The following CHD6 variants were observed in gnomAD, a reference collection of about 807,000 sequenced individuals.
The protein encoded by CHD6 is ATP-dependent chromatin remodeler CHD6.
A neutral mutation model predicts 276.9 loss-of-function variants in CHD6; 50 were observed. The ratio of observed to expected loss-of-function variants is 0.18; its 90% CI spans 0.14 to 0.23. The LOEUF (loss-of-function observed/expected upper bound fraction) is 0.23. Ranked by LOEUF, CHD6 falls within the 10% of genes least tolerant of loss-of-function variation. The pLI, the probability that CHD6 is intolerant of heterozygous loss-of-function variation, is 1.00. For synonymous variants in CHD6, 1,173 were observed against 1,229.3 expected (o/e 0.95, Z 0.96); for missense variants, 2,564 against 3,365.8 (o/e 0.76, Z 5.89).
intron 3 of CHD6, among the ~76,000 whole-genome samples, chr20:41,527,989 A>G (rs917219833): frequency 3.9e-5 from 6 of 152,290 alleles, no homozygotes; most frequent in Admixed American, 1.3e-4. Context: ...CCCAGATTCC[A>G]GTGCCATACT....
In CHD6 at chr20:41,437,732, C is replaced by A. The variant is rs376273086; in HGVS notation, c.4008-398G>T. 1.4e-4 allele frequency among the ~76,000 whole-genome samples: 22 copies of A among 152,280 alleles called. No homozygotes were observed. The South Asian group carries it at 4.4e-3, about 30-fold the overall frequency. On this transcript the variant is annotated intron_variant, in intron 26 of 36. Transcript: ENST00000373233. ...TACCAATATCGGCAGATGATCAAGTCCCTTGGTTGGCCCTCTGGATCTGAG... is the reference window on the plus strand; with the variant it reads ...TACCAATATCGGCAGATGATCAAGTACCTTGGTTGGCCCTCTGGATCTGAG...
intron 5 of CHD6, among the ~76,000 whole-genome samples, chr20:41,500,763 A>G (rs2043812266): frequency 6.6e-6 from 1 of 152,154 alleles, no homozygotes; most frequent in South Asian, 2.1e-4. Flanking sequence ...ATACCGACAT[A>G]GCTAGACCAG....
intron 1 of CHD6, among the ~76,000 whole-genome samples, chr20:41,577,942 T>G (rs556425754): frequency 1.3e-5 from 2 of 152,172 alleles, no homozygotes; most frequent in Non-Finnish European, 2.9e-5. Flanking sequence ...AATAAATTAG[T>G]AGATGCAAAT....
chr20:41,467,290 T>TA (rs537482188), intron 17 of CHD6, among the ~76,000 whole-genome samples: 50 of 149,162 alleles, frequency 3.4e-4, no homozygotes, highest in East Asian at 2.1e-3. Context: ...GAGAACTCAA[T>TA]AAAAAAAAAC....
intron 2 of CHD6, among the ~76,000 whole-genome samples, chr20:41,549,012 T>C (rs2045099172): frequency 6.6e-6 from 1 of 152,188 alleles, no homozygotes; most frequent in Non-Finnish European, 1.5e-5. Context: ...GGAGAGGATG[T>C]GGAGAAACAG....
chr20:41,512,805 A>C (rs2044152808), intron 5 of CHD6, 41 bp downstream of exon 5: 1 of 1,609,618 alleles, frequency 6.2e-7, no homozygotes, highest in African/African-American at 1.3e-5. Context: ...GGTCAAAATG[A>C]CTGTCCAGCC....
chr20:41,460,775 C>T (rs1029346628), intron 17 of CHD6, among the ~76,000 whole-genome samples: 19 of 152,226 alleles, frequency 1.2e-4, no homozygotes, highest in East Asian at 5.8e-4. Context: ...AATGTGGGGT[C>T]GGAGCCCCCA....
intron 1 of CHD6, among the ~76,000 whole-genome samples, chr20:41,599,299 G>A (rs1255536629): frequency 1.3e-5 from 2 of 152,042 alleles, no homozygotes; most frequent in African/African-American, 4.8e-5. Context: ...TAACAACACA[G>A]CCCCCGATGG....
At chr20:41,579,437 CAAA>C (rs574347177) in intron 1 of CHD6, among the ~76,000 whole-genome samples, 4 of 69,958 alleles carry the variant, frequency 5.7e-5, no homozygotes, top group South Asian at 4.9e-4. Context: ...GACTCTGTCT[CAAA>C]AAAAAAAAAA....
rs545819745 is a variant in CHD6, at chr20:41,439,533, G to A, written c.4007+467C>T. Among the ~76,000 whole-genome samples the A allele has an allele frequency of 7.2e-5, 11 of 152,292 alleles. No individual in the cohort carries two copies. The South Asian group carries it at 1.2e-3, about 17-fold the overall frequency. On this transcript the variant is annotated intron_variant, in intron 26 of 36. Coordinates refer to ENST00000373233, the MANE Select transcript of CHD6 (RefSeq NM_032221.5). ...ATGGACAAGCTGAAATGTCATGGCC[G>A]TCAAGGAGCGGCCCCTAAATCCATC...
chr20:41,435,849 T>C (rs1159590944), intron 27 of CHD6, among the ~76,000 whole-genome samples: 1 of 152,178 alleles, frequency 6.6e-6, no homozygotes, highest in Non-Finnish European at 1.5e-5. Context: ...ATCTATCAAA[T>C]TTTAAAACTT....
In CHD6 at chr20:41,403,308, G is replaced by A; in HGVS notation, c.*1285C>T. 9.4e-7 allele frequency: 1 copy of A among 1,063,492 alleles called. No individual in the cohort carries two copies. Among genetic ancestry groups the A allele is most frequent in the Non-Finnish European group, 1.1e-6 (1 of 877,834 alleles). The allele number at this position is 1,063,492 out of a possible 1,614,324, so 65.9% of individuals were successfully genotyped here. A position where few individuals can be genotyped will look rare whatever the true frequency, so the allele number is the denominator to read the frequency against. ...GAGCTTACTTCAAGTCTCAGAGTGT[G>A]AACTACCTGTGAAGAGTGAGACCAT... On this transcript the variant is annotated 3_prime_UTR_variant, in exon 37 of 37. Transcript: ENST00000373233.
intron 1 of CHD6, among the ~76,000 whole-genome samples, chr20:41,593,605 T>C (rs918742911): frequency 6.6e-6 from 1 of 152,222 alleles, no homozygotes; most frequent in Non-Finnish European, 1.5e-5. Context: ...ATGGGTGTTA[T>C]AAGCTGCAGT....
intron 1 of CHD6, among the ~76,000 whole-genome samples, chr20:41,606,347 T>TA (rs1230947304): frequency 6.6e-6 from 1 of 152,110 alleles, no homozygotes; most frequent in African/African-American, 2.4e-5. Flanking sequence ...CCGTCTCTAC[T>TA]AAAAAACAAA....
rs111358264 is a variant in CHD6 at position 41,420,958 on chromosome 20, G to A, written c.5677C>T (p.Leu1893Phe). The stretch of plus-strand genomic sequence containing the variant: ...GAGATGTTAGTAGTGGGCTCCGTGA[G>A]ATGCAATACCTCTGGCCTTTCCCCC... Reference protein sequence around the residue: ...GMGERPEVLHLTEPTTNISRE... With the variant: ...GMGERPEVLHFTEPTTNISRE... The change falls in exon 31 of 37, where the codon CTC becomes TTC. Residue 1893 changes from leucine (L) to phenylalanine (F), a missense_variant. By Grantham distance (22) the Leu-to-Phe change is conservative. Transcript: ENST00000373233. 4.2e-5 allele frequency: 67 copies of A among 1,614,196 alleles called. 3 individuals are homozygous for A. Among genetic ancestry groups the A allele is most frequent in the African/African-American group, 4.1e-4 (31 of 75,046 alleles).
rs150157135 is a variant in CHD6 at position 41,455,812 on chromosome 20, G to A, written c.2997C>T (p.Ser999=). ...GAAGGCCCTGTACCTTGGCAAAAGTGGACCCTTTCCCCTCAGACTGGATGG... is the reference window on the plus strand; with the variant it reads ...GAAGGCCCTGTACCTTGGCAAAAGTAGACCCTTTCCCCTCAGACTGGATGG... The part of the protein sequence containing the change: ...TITIQSEGKG[S]TFAKASFVAS... The change falls in exon 19 of 37, where the codon TCC becomes TCT. Residue 999 remains serine, a synonymous_variant. Coordinates refer to ENST00000373233, the MANE Select transcript of CHD6 (RefSeq NM_032221.5). 1,187 of 1,587,410 alleles carry A rather than the reference G, an allele frequency of 7.5e-4. 8 individuals are homozygous for A. Among genetic ancestry groups the A allele is most frequent in the Middle Eastern group, 4.5e-3 (23 of 5,146 alleles).
intron 17 of CHD6, among the ~76,000 whole-genome samples, chr20:41,468,740 C>G (rs1421636967): frequency 7.2e-5 from 11 of 152,084 alleles, no homozygotes; most frequent in African/African-American, 2.7e-4. Context: ...GTAGGTGGGG[C>G]GTGGTGGCTC....
chr20:41,469,266 C>T (rs2043000057), intron 17 of CHD6, among the ~76,000 whole-genome samples: 1 of 152,144 alleles, frequency 6.6e-6, no homozygotes, highest in South Asian at 2.1e-4. Context: ...CTTCAGGGAC[C>T]TTAGCAGCAG....
rs2045883245 is a variant in CHD6 at position 41,611,134 on chromosome 20, TAA to T, written c.-24+7204_-24+7205del. Among the ~76,000 whole-genome samples, 8 of 152,308 alleles carry T rather than the reference TAA, an allele frequency of 5.3e-5. No homozygotes were observed. The South Asian group carries it at 1.7e-3, about 32-fold the overall frequency. ...ATTCAAATCAACTTTCAGATAAAAATAAAGAGGCAAATATAAATAGATAAATA... is the reference window on the plus strand; with the variant it reads ...ATTCAAATCAACTTTCAGATAAAAATAGAGGCAAATATAAATAGATAAATA... On this transcript the variant is annotated intron_variant, in intron 1 of 36. Coordinates refer to ENST00000373233, the MANE Select transcript of CHD6 (RefSeq NM_032221.5).
Sources: gnomAD v4.1 joint callset for allele counts (sites outside exome capture counted in the v4.1 genomes callset) on GRCh38, gnomAD v4.1.1 for gene constraint, MANE v1.5 for transcripts, NCBI Gene and HGNC (gene_info 2026-07-23, HGNC 2026-07-21) for gene names.